The following ARHGAP24 variants were observed in gnomAD, a reference collection of about 807,000 sequenced individuals.
ARHGAP24 encodes the protein Rho GTPase activating protein 24.
ARHGAP24 carries 50 observed loss-of-function variants against 76.4 expected under a neutral mutation model. The ratio of observed to expected loss-of-function variants is 0.65; its 90% CI spans 0.52 to 0.83. ARHGAP24 has a LOEUF of 0.83. Among genes scored for constraint, ARHGAP24 ranks in the 40% least tolerant of loss-of-function variants. The probability of loss-of-function intolerance (pLI) is 0.00; values close to 1 mark genes in which losing one functional copy is unlikely to be tolerated. For synonymous variants in ARHGAP24, 345 were observed against 323.3 expected (o/e 1.07, Z -0.72); for missense variants, 930 against 914.2 (o/e 1.02, Z -0.22).
At chr4:85,868,986 A>T (rs1325272518) in intron 3 of ARHGAP24, among the ~76,000 whole-genome samples, 2 of 151,968 alleles carry the variant, frequency 1.3e-5, no homozygotes, top group Admixed American at 1.3e-4. Flanking sequence ...TATATCTATC[A>T]TACTTGTATA....
chr4:85,592,770 C>T (rs972724066), intron 2 of ARHGAP24, among the ~76,000 whole-genome samples: 8 of 152,176 alleles, frequency 5.3e-5, no homozygotes, highest in African/African-American at 1.9e-4. Context: ...GCTTATTTCA[C>T]TTAACATAAT....
rs1229013976 is a variant in ARHGAP24 at position 85,933,857 on chromosome 4, G to A, written c.392-8209G>A. Among the ~76,000 whole-genome samples, 10 of 152,118 alleles carry A rather than the reference G, an allele frequency of 6.6e-5. No individual in the cohort carries two copies. In the East Asian group the frequency reaches 1.7e-3, roughly 27 times the overall value. ...AGTCCACCTCTATCTTGATTTTTTC[G>A]TGAACTACTCCTTTCTTGGAGATAA... On this transcript the variant is annotated intron_variant, in intron 4 of 9. Transcript: ENST00000395184.
chr4:85,914,866 G>C (rs1209771875), intron 3 of ARHGAP24, among the ~76,000 whole-genome samples: 1 of 152,148 alleles, frequency 6.6e-6, no homozygotes, highest in African/African-American at 2.4e-5. Context: ...ATTCTAGTCT[G>C]TATCAGCATT....
At chr4:85,954,219 G>A (rs1430841844) in intron 5 of ARHGAP24, among the ~76,000 whole-genome samples, 1 of 152,172 alleles carries the variant, frequency 6.6e-6, no homozygotes, top group African/African-American at 2.4e-5. Context: ...TAGATAAAAT[G>A]TTCATCCTTT....
chr4:85,935,884 A>C (rs1225495277), intron 4 of ARHGAP24, among the ~76,000 whole-genome samples: 3 of 152,208 alleles, frequency 2.0e-5, no homozygotes, highest in Non-Finnish European at 4.4e-5. Flanking sequence ...TGACTTTGAA[A>C]AGAGTAAAGA....
intron 3 of ARHGAP24, among the ~76,000 whole-genome samples, chr4:85,781,010 A>G (rs755711694): frequency 1.1e-4 from 16 of 152,236 alleles, no homozygotes; most frequent in Admixed American, 5.2e-4. Flanking sequence ...AGTCCCATTC[A>G]CAATCACGCT....
intron 2 of ARHGAP24, among the ~76,000 whole-genome samples, chr4:85,575,425 C>A (rs930615468): frequency 6.6e-6 from 1 of 152,174 alleles, no homozygotes; most frequent in African/African-American, 2.4e-5. Flanking sequence ...TTACAAATTT[C>A]ATTGTATTTA....
intron 3 of ARHGAP24, among the ~76,000 whole-genome samples, chr4:85,880,601 T>G (rs1267971434): frequency 6.6e-6 from 1 of 152,138 alleles, no homozygotes; most frequent in African/African-American, 2.4e-5. Flanking sequence ...CGACCTCTGC[T>G]CACTGCAAGC....
chr4:85,743,421 A>T (rs1012082079), intron 3 of ARHGAP24, among the ~76,000 whole-genome samples: 1 of 96,602 alleles, frequency 1.0e-5, no homozygotes, highest in African/African-American at 3.6e-5. Context: ...AAAAAAAAAA[A>T]AAAAAAAAAA....
chr4:85,873,470 C>T (rs1732655293), intron 3 of ARHGAP24, among the ~76,000 whole-genome samples: 1 of 152,144 alleles, frequency 6.6e-6, no homozygotes, highest in South Asian at 2.1e-4. Flanking sequence ...TGTAGCAGGG[C>T]TTTCGTGCAG....
At chr4:85,788,793 G>C (rs1727976635) in intron 3 of ARHGAP24, among the ~76,000 whole-genome samples, 1 of 152,188 alleles carries the variant, frequency 6.6e-6, no homozygotes, top group South Asian at 2.1e-4. Flanking sequence ...TACTGGTAAT[G>C]AGTGATCTTT....
chr4:85,580,053 T>C (rs1247677089), intron 2 of ARHGAP24, among the ~76,000 whole-genome samples: 3 of 152,138 alleles, frequency 2.0e-5, no homozygotes, highest in African/African-American at 4.8e-5. Flanking sequence ...TCAATTTCAA[T>C]CTAATTTAAA....
chr4:85,786,046 T>C (rs1727824455), intron 3 of ARHGAP24, among the ~76,000 whole-genome samples: 1 of 152,174 alleles, frequency 6.6e-6, no homozygotes, highest in Non-Finnish European at 1.5e-5. Flanking sequence ...GCCTATTTCA[T>C]TTCCTTAATT....
At chr4:85,731,674 G>A (rs1002165184) in intron 3 of ARHGAP24, among the ~76,000 whole-genome samples, 1 of 152,104 alleles carries the variant, frequency 6.6e-6, no homozygotes, top group African/African-American at 2.4e-5. Flanking sequence ...AAGTTCTAGT[G>A]TTCTATACTA....
chr4:85,862,759 C>T (rs1431652238), intron 3 of ARHGAP24, among the ~76,000 whole-genome samples: 1 of 152,078 alleles, frequency 6.6e-6, no homozygotes, highest in Non-Finnish European at 1.5e-5. Context: ...ATGGCAACAC[C>T]ATCCAATATT....
Position 85,646,734 on chromosome 4 carries a change from A to G in ARHGAP24, c.181-75151A>G, listed in dbSNP as rs146068268. 8.4e-3 allele frequency among the ~76,000 whole-genome samples: 1,280 copies of G among 152,198 alleles called. 20 individuals are homozygous for G. The highest frequency in any genetic ancestry group is 0.029 in the African/African-American group (1,221 of 41,550). Reference sequence around the variant, plus strand: ...GTACTAGGTTAGTTTCTGCAAAAATATAAGGGAACTAAGTATTGTGATCTG... The same window carrying G: ...GTACTAGGTTAGTTTCTGCAAAAATGTAAGGGAACTAAGTATTGTGATCTG... On this transcript the variant is annotated intron_variant, in intron 2 of 9. Coordinates refer to ENST00000395184, the MANE Select transcript of ARHGAP24 (RefSeq NM_001025616.3).
intron 8 of ARHGAP24, among the ~76,000 whole-genome samples, chr4:85,988,604 T>C (rs1189647307): frequency 6.6e-6 from 1 of 151,116 alleles, no homozygotes; most frequent in Non-Finnish European, 1.5e-5. Context: ...TGTTATATAA[T>C]AATAAACTTT....
chr4:85,717,470 A>G (rs1724777595), intron 2 of ARHGAP24, among the ~76,000 whole-genome samples: 1 of 152,130 alleles, frequency 6.6e-6, no homozygotes, highest in African/African-American at 2.4e-5. Flanking sequence ...CTCAGCTGCT[A>G]CAGATACCAA....
rs755950803 is a variant in ARHGAP24, at chr4:86,000,463, C to CA, written c.2004-16_2004-15insA. The CA allele has an allele frequency of 2.1e-6, 2 of 942,372 alleles. No homozygotes were observed. The highest frequency in any genetic ancestry group is 3.1e-6 in the Non-Finnish European group (2 of 638,234). 58.4% of individuals were successfully genotyped at this position (942,372 alleles called of 1,614,324 possible). A position where few individuals can be genotyped will look rare whatever the true frequency, so the allele number is the denominator to read the frequency against. ...CTTGCGTCCCCACCCCCCACCCCCC[C>CA]CAACATCCTTTGTAGCTTAGAACAG... On this transcript the variant is annotated splice_polypyrimidine_tract_variant and intron_variant, in intron 9 of 9. Coordinates refer to ENST00000395184, the MANE Select transcript of ARHGAP24 (RefSeq NM_001025616.3).
Sources: gnomAD v4.1 joint callset for allele counts (sites outside exome capture counted in the v4.1 genomes callset) on GRCh38, gnomAD v4.1.1 for gene constraint, MANE v1.5 for transcripts, NCBI Gene and HGNC (gene_info 2026-07-23, HGNC 2026-07-21) for gene names.